Variants in MUSK observed in about 807,000 individuals in gnomAD.
MUSK encodes muscle, skeletal receptor tyrosine-protein kinase.
In MUSK, 55 loss-of-function variants were observed where a neutral mutation model predicts 88.7. That is an observed-to-expected ratio of 0.62 (90% CI 0.50 to 0.78). The LOEUF is 0.78. Ranked by LOEUF, MUSK falls within the 30% of genes least tolerant of loss-of-function variation. The probability of loss-of-function intolerance (pLI) is 0.00; values close to 1 mark genes in which losing one functional copy is unlikely to be tolerated. For missense variants in MUSK, 1,015 were observed against 1,074.3 expected (o/e 0.94, Z 0.77); for synonymous variants, 387 against 391.9 (o/e 0.99, Z 0.15).
intron 5 of MUSK, among the ~76,000 whole-genome samples, chr9:110,732,156 A>C (rs982138509): frequency 3.3e-5 from 5 of 152,094 alleles, no homozygotes; most frequent in African/African-American, 1.2e-4. Context: ...TGTGAGGTTG[A>C]AATGTGCTAG....
In MUSK at chr9:110,802,097, G is replaced by A. The variant is rs115563032; in HGVS notation, c.*1109G>A. On this transcript the variant is annotated 3_prime_UTR_variant, in exon 15 of 15. Transcript: ENST00000374448. ...TGTGGCTCTGAGTTATTTCAAAACT[G>A]ATATTTCTGTGCATTCTGACATTTT... 4.1e-3 allele frequency among the ~76,000 whole-genome samples: 627 copies of A among 152,198 alleles called. 2 individuals carry two copies. Among genetic ancestry groups the A allele is most frequent in the African/African-American group, 0.014 (587 of 41,514 alleles).
intron 6 of MUSK, among the ~76,000 whole-genome samples, chr9:110,739,848 C>G (rs1412557574): frequency 6.6e-6 from 1 of 152,134 alleles, no homozygotes; most frequent in African/African-American, 2.4e-5. Context: ...CAACCCAAAC[C>G]TTTATAACTC....
intron 11 of MUSK, among the ~76,000 whole-genome samples, chr9:110,778,626 G>C (rs895283072): frequency 2.0e-5 from 3 of 151,908 alleles, no homozygotes; most frequent in African/African-American, 7.3e-5. Context: ...AACCCAACAT[G>C]AGAAAGAGAG....
chr9:110,692,982 G>A (rs145715644), intron 3 of MUSK, among the ~76,000 whole-genome samples: 1 of 152,182 alleles, frequency 6.6e-6, no homozygotes. Flanking sequence ...AAAAGCTGGT[G>A]GGAATAGCAT....
At chr9:110,755,860 GCTTCT>G (rs977384469) in intron 7 of MUSK, among the ~76,000 whole-genome samples, 2 of 149,044 alleles carry the variant, frequency 1.3e-5, no homozygotes, top group Non-Finnish European at 3.0e-5. Context: ...AATTGTTATT[GCTTCT>G]CTGACTAATA....
intron 9 of MUSK, among the ~76,000 whole-genome samples, chr9:110,768,313 C>A (rs561462257): frequency 3.9e-5 from 6 of 152,204 alleles, no homozygotes; most frequent in Non-Finnish European, 7.3e-5. Flanking sequence ...GCCTGTCCAA[C>A]ATGGTGAAAC....
At chr9:110,712,703 C>T (rs2076687771) in intron 5 of MUSK, among the ~76,000 whole-genome samples, 1 of 152,132 alleles carries the variant, frequency 6.6e-6, no homozygotes, top group African/African-American at 2.4e-5. Context: ...TGAATCTAAA[C>T]AATTCAAGGA....
chr9:110,800,847 C>T lies in MUSK; in HGVS notation c.2469C>T (p.Cys823=). Residue 823 remains cysteine, a synonymous_variant, in exon 15 of 15, where the codon TGC becomes TGT. Coordinates refer to ENST00000374448, the MANE Select transcript of MUSK (RefSeq NM_005592.4). ...YYVRDGNILS[C]PENCPVELYN... is the part of the protein sequence containing the mutation. Reference sequence around the variant, plus strand: ...TGCGAGATGGCAACATCCTCTCCTGCCCTGAGAACTGCCCCGTGGAGCTGT... The same window carrying T: ...TGCGAGATGGCAACATCCTCTCCTGTCCTGAGAACTGCCCCGTGGAGCTGT... 6.2e-7 allele frequency: 1 copy of T among 1,608,494 alleles called. No homozygotes were observed. Among genetic ancestry groups the T allele is most frequent in the Non-Finnish European group, 8.5e-7 (1 of 1,176,158 alleles).
At chr9:110,689,674 T>TATAATATATAACTATATATATATATAA (rs370936018) in intron 3 of MUSK, among the ~76,000 whole-genome samples, 3,184 of 72,308 alleles carry the variant, frequency 0.044, 229 homozygotes, top group South Asian at 0.068. Context: ...CATAGTATAT[T>TATAATATATAACTATATATATATATAA]ATATATAACT....
At chr9:110,791,349 C>T (rs1396832624) in intron 14 of MUSK, among the ~76,000 whole-genome samples, 4 of 123,224 alleles carry the variant, frequency 3.2e-5, no homozygotes, top group Non-Finnish European at 5.1e-5. Context: ...AAAGGGGTGA[C>T]GGACGCACCT....
intron 9 of MUSK, among the ~76,000 whole-genome samples, chr9:110,773,512 T>C (rs2077613374): frequency 6.6e-6 from 1 of 152,158 alleles, no homozygotes. Flanking sequence ...ATGTTACTTA[T>C]CATTGATACT....
chr9:110,689,773 C>CAAT lies in MUSK; in HGVS notation c.358+2506_358+2507insATA, dbSNP rs1564218235. ...TATTATATATAAACTATATATATCA[C>CAAT]ATATAGTTTATATATTTTTTAATAT... On this transcript the variant is annotated intron_variant, in intron 3 of 14. Transcript: ENST00000374448. Among the ~76,000 whole-genome samples the CAAT allele has an allele frequency of 6.8e-4, 51 of 74,796 alleles. 2 individuals are homozygous for CAAT. Among genetic ancestry groups the CAAT allele is most frequent in the East Asian group, 4.0e-3 (10 of 2,480 alleles). The allele number at this position is 74,796 out of a possible 152,430, so 49.1% of individuals were successfully genotyped here. A position where few individuals can be genotyped will look rare whatever the true frequency, so the allele number is the denominator to read the frequency against.
intron 5 of MUSK, among the ~76,000 whole-genome samples, chr9:110,719,200 AC>A (rs1182965232): frequency 6.6e-6 from 1 of 152,112 alleles, no homozygotes; most frequent in Non-Finnish European, 1.5e-5. Flanking sequence ...TATTCAGGCA[AC>A]AAATAGCACA....
intron 8 of MUSK, among the ~76,000 whole-genome samples, chr9:110,764,423 C>A (rs1170693074): frequency 3.9e-5 from 6 of 152,114 alleles, no homozygotes; most frequent in Non-Finnish European, 1.5e-5. Context: ...GTTTGAGGGA[C>A]AAAATGTTCC....
intron 5 of MUSK, among the ~76,000 whole-genome samples, chr9:110,730,435 C>T (rs905913463): frequency 1.3e-5 from 2 of 152,000 alleles, no homozygotes; most frequent in African/African-American, 2.4e-5. Flanking sequence ...GTAACAAAAA[C>T]ACTTTTATAT....
chr9:110,772,779 C>G (rs1310743599), intron 9 of MUSK, among the ~76,000 whole-genome samples: 1 of 152,024 alleles, frequency 6.6e-6, no homozygotes, highest in Non-Finnish European at 1.5e-5. Flanking sequence ...AAATATTAAA[C>G]TAAAATTGAA....
At chr9:110,690,853 T>C (rs1587910306) in intron 3 of MUSK, among the ~76,000 whole-genome samples, 1 of 134,912 alleles carries the variant, frequency 7.4e-6, no homozygotes, top group South Asian at 2.1e-4. Context: ...AGTATATATA[T>C]AAATATATAT....
At chr9:110,761,240 G>C (rs1206892366) in intron 7 of MUSK, among the ~76,000 whole-genome samples, 2 of 152,168 alleles carry the variant, frequency 1.3e-5, no homozygotes, top group East Asian at 3.9e-4. Context: ...CAGAGGAGAG[G>C]CGTATTCTCC....
At chr9:110,720,444 T>C (rs1377911627) in intron 5 of MUSK, among the ~76,000 whole-genome samples, 1 of 152,048 alleles carries the variant, frequency 6.6e-6, no homozygotes, top group Non-Finnish European at 1.5e-5. Context: ...TGAAACATTA[T>C]TCAAGGCTAA....
Sources: gnomAD v4.1 joint callset for allele counts (sites outside exome capture counted in the v4.1 genomes callset) on GRCh38, gnomAD v4.1.1 for gene constraint, MANE v1.5 for transcripts, NCBI Gene and HGNC (gene_info 2026-07-23, HGNC 2026-07-21) for gene names.